Variants in TIMMDC1 observed in about 807,000 individuals in gnomAD.
TIMMDC1 encodes the protein translocase of inner mitochondrial membrane domain containing 1.
A neutral mutation model predicts 32.6 loss-of-function variants in TIMMDC1; 25 were observed. That is an observed-to-expected ratio of 0.77 (90% CI 0.56 to 1.07). The LOEUF (loss-of-function observed/expected upper bound fraction) is 1.07, where lower values mean the gene tolerates loss of function less well. TIMMDC1 is among the 50% of genes least tolerant of loss of function. The pLI, the probability that TIMMDC1 is intolerant of heterozygous loss-of-function variation, is 0.00. For missense variants in TIMMDC1, 329 were observed against 349.2 expected (o/e 0.94, Z 0.46); for synonymous variants, 130 against 127.6 (o/e 1.02, Z -0.13).
chr3:119,499,022 G>T, intron 1 of TIMMDC1, 95 bp downstream of exon 1: 3 of 951,528 alleles, frequency 3.2e-6, no homozygotes, highest in South Asian at 1.5e-5. Context: ...CACCAAGGAT[G>T]GTGTGCTTCA....
chr3:119,512,742 GTTAT>G (rs1444907522), intron 4 of TIMMDC1, among the ~76,000 whole-genome samples: 3 of 152,156 alleles, frequency 2.0e-5, no homozygotes, highest in African/African-American at 7.2e-5. Context: ...AACCTCAACT[GTTAT>G]TTATTTTGTT....
Position 119,517,236 on chromosome 3 carries a change from C to T in TIMMDC1, c.628C>T (p.Gln210Ter). Residue 210 changes from glutamine (Q) to a stop codon, truncating the protein, a stop_gained, in exon 6 of 7, where the codon CAG becomes TAG. Coordinates refer to ENST00000494664, the MANE Select transcript of TIMMDC1 (RefSeq NM_016589.4). LOFTEE classifies it high-confidence loss of function. ...TGTAGGAGGCCTGCTGATGGCATTT[C>T]AGAAGTACTCTGGTGAGACTGTTCA... ...TPVGGLLMAF[Q>*]KYSGETVQER... is the part of the protein sequence containing the mutation. 1 of 1,613,650 alleles carries T rather than the reference C, an allele frequency of 6.2e-7. No individual in the cohort carries two copies. The highest frequency in any genetic ancestry group is 8.5e-7 in the Non-Finnish European group (1 of 1,179,662).
intron 4 of TIMMDC1, among the ~76,000 whole-genome samples, chr3:119,509,697 T>TC (rs2081941067): frequency 6.6e-6 from 1 of 151,866 alleles, no homozygotes; most frequent in Non-Finnish European, 1.5e-5. Flanking sequence ...TTTTTTTTTT[T>TC]TTTTTTGAGA....
intron 6 of TIMMDC1, among the ~76,000 whole-genome samples, chr3:119,520,372 A>G (rs1396295472): frequency 1.3e-5 from 2 of 151,952 alleles, no homozygotes; most frequent in Non-Finnish European, 2.9e-5. Context: ...TAGAAAAAAG[A>G]CCCAATTAAG....
chr3:119,503,494 G>T lies in TIMMDC1; in HGVS notation c.361-38G>T, dbSNP rs1350034590. 3 of 1,495,338 alleles carry T rather than the reference G, an allele frequency of 2.0e-6. No individual in the cohort carries two copies. In the South Asian group the frequency reaches 3.8e-5, roughly 19 times the overall value. The allele number at this position is 1,495,338 out of a possible 1,614,324, so 92.6% of individuals were successfully genotyped here. A position where few individuals can be genotyped will look rare whatever the true frequency, so the allele number is the denominator to read the frequency against. On this transcript the variant is annotated intron_variant, in intron 2 of 6. Coordinates refer to ENST00000494664, the MANE Select transcript of TIMMDC1 (RefSeq NM_016589.4). ...AGTTCTAGAATAAGGAAAATATGAT[G>T]GTGTCTTAGAACCTCACAGTTTTTT...
At chr3:119,498,986 G>C (rs2081846905) in intron 1 of TIMMDC1, 59 bp downstream of exon 1, 1 of 1,538,152 alleles carries the variant, frequency 6.5e-7, no homozygotes, top group Non-Finnish European at 8.9e-7. Flanking sequence ...GTCCTGCAGC[G>C]TGGGCAGCCT....
chr3:119,508,945 C>T (rs1176614425), intron 4 of TIMMDC1, among the ~76,000 whole-genome samples: 1 of 152,166 alleles, frequency 6.6e-6, no homozygotes, highest in African/African-American at 2.4e-5. Flanking sequence ...GTGGCTTATG[C>T]CTGTAATCCC....
chr3:119,500,177 G>T (rs919268411), intron 1 of TIMMDC1, among the ~76,000 whole-genome samples: 1 of 152,094 alleles, frequency 6.6e-6, no homozygotes, highest in Non-Finnish European at 1.5e-5. Flanking sequence ...TTCATACATT[G>T]CCCTAAAATC....
chr3:119,499,015 CAAGG>C, intron 1 of TIMMDC1, 88 bp downstream of exon 1: 3 of 1,073,502 alleles, frequency 2.8e-6, no homozygotes, highest in Non-Finnish European at 2.8e-6. Context: ...CTTAGGACAC[CAAGG>C]ATGGTGTGCT....
Position 119,503,945 on chromosome 3 carries a change from T to G in TIMMDC1, c.450-9T>G. The G allele has an allele frequency of 6.2e-7, 1 of 1,610,430 alleles. No homozygotes were observed. The highest frequency in any genetic ancestry group is 1.1e-5 in the South Asian group (1 of 90,886). ...ATCTTATATTTTCCTTCTCCTCCCT[T>G]TTTACCAGCACAGTGAACACTAGTC... On this transcript the variant is annotated splice_polypyrimidine_tract_variant and intron_variant, in intron 3 of 6. Transcript: ENST00000494664.
At chr3:119,510,734 G>A (rs529294335) in intron 4 of TIMMDC1, among the ~76,000 whole-genome samples, 25 of 152,260 alleles carry the variant, frequency 1.6e-4, no homozygotes, top group Admixed American at 5.2e-4. Flanking sequence ...ACTATATTCA[G>A]TACAACAAAA....
intron 5 of TIMMDC1, 117 bp from the exon 6 acceptor site, chr3:119,517,088 C>A (rs892448698): frequency 1.9e-5 from 11 of 571,950 alleles, no homozygotes; most frequent in Non-Finnish European, 3.4e-5. Flanking sequence ...TCAAATGTTC[C>A]TGTACCTAAT....
intron 3 of TIMMDC1, 152 bp from the exon 4 acceptor site, chr3:119,503,802 A>G (rs1443059940): frequency 5.8e-5 from 45 of 781,050 alleles, no homozygotes; most frequent in Non-Finnish European, 4.3e-5. Flanking sequence ...TTTTACAACC[A>G]TGTCTGGAAC....
intron 6 of TIMMDC1, among the ~76,000 whole-genome samples, chr3:119,521,125 A>G (rs984366773): frequency 3.3e-5 from 5 of 152,214 alleles, no homozygotes; most frequent in Admixed American, 6.5e-5. Context: ...CACAGCTAAT[A>G]TCATACTGAA....
Position 119,498,579 on chromosome 3 carries a change from G to A in TIMMDC1, c.-155G>A. 1 of 687,476 alleles carries A rather than the reference G, an allele frequency of 1.5e-6. No individual in the cohort carries two copies. Among genetic ancestry groups the A allele is most frequent in the Admixed American group, 2.7e-5 (1 of 36,656 alleles). The allele number at this position is 687,476 out of a possible 1,614,324, so 42.6% of individuals were successfully genotyped here. A position where few individuals can be genotyped will look rare whatever the true frequency, so the allele number is the denominator to read the frequency against. On this transcript the variant is annotated 5_prime_UTR_variant, in exon 1 of 7. Coordinates refer to ENST00000494664, the MANE Select transcript of TIMMDC1 (RefSeq NM_016589.4). ...TTCCAAGGACTCCAAAGCGAGGCCG[G>A]GGACTGAAGGTGTGGGTGTCGAGCC...
chr3:119,502,062 A>G (rs531327044), intron 2 of TIMMDC1, among the ~76,000 whole-genome samples: 70 of 152,322 alleles, frequency 4.6e-4, no homozygotes, highest in African/African-American at 1.6e-3. Flanking sequence ...TTGGTAATTT[A>G]TAAGTATTTT....
intron 4 of TIMMDC1, among the ~76,000 whole-genome samples, chr3:119,512,768 T>C (rs1318384255): frequency 6.6e-6 from 1 of 152,200 alleles, no homozygotes; most frequent in Non-Finnish European, 1.5e-5. Context: ...TTTGAGACAG[T>C]CTCATTCTTC....
At chr3:119,519,671 C>T (rs2082010967) in intron 6 of TIMMDC1, among the ~76,000 whole-genome samples, 2 of 151,200 alleles carry the variant, frequency 1.3e-5, no homozygotes, top group South Asian at 2.1e-4. Flanking sequence ...TAGCTGGGGA[C>T]TTCAACACCA....
chr3:119,500,586 A>G, intron 1 of TIMMDC1, 109 bp from the exon 2 acceptor site: 1 of 948,198 alleles, frequency 1.1e-6, no homozygotes, highest in Non-Finnish European at 1.6e-6. Context: ...TCTACCTATG[A>G]TGAAAAATGT....
Sources: gnomAD v4.1 joint callset for allele counts (sites outside exome capture counted in the v4.1 genomes callset) on GRCh38, gnomAD v4.1.1 for gene constraint, MANE v1.5 for transcripts, NCBI Gene and HGNC (gene_info 2026-07-23, HGNC 2026-07-21) for gene names.